Variants in TTN observed in about 807,000 individuals in gnomAD.
TTN encodes the protein titin.
TTN carries 1,525 observed loss-of-function variants against 3,223.0 expected under a neutral mutation model. The observed-to-expected ratio is 0.47, with a 90% CI of 0.45 to 0.49. TTN has a LOEUF of 0.49. Among genes scored for constraint, TTN ranks in the 20% least tolerant of loss-of-function variants. TTN has a pLI of 0.00. For missense variants in TTN, 40,786 were observed against 43,424.0 expected (o/e 0.94, Z 5.40); for synonymous variants, 14,094 against 15,161.0 (o/e 0.93, Z 5.17).
Position 178,547,521 on chromosome 2 carries a change from TA to T in TTN, c.94104del (p.Val31370SerfsTer26). 6.2e-7 allele frequency: 1 copy of T among 1,613,700 alleles called. No individual in the cohort carries two copies. The highest frequency in any genetic ancestry group is 1.1e-5 in the South Asian group (1 of 91,084). ...ATGTATTTTGTGAGATGAGTGACTT[TA>T]ATTTGAGTGCGCTTGACACTGGAAT... ...LVNSSVKRTQ[I>X]KVTHLTKYME... On this transcript the variant is annotated frameshift_variant, in exon 339 of 363. Coordinates refer to ENST00000589042, the MANE Select transcript of TTN (RefSeq NM_001267550.2). LOFTEE classifies it high-confidence loss of function.
chr2:178,573,435 T>C lies in TTN; in HGVS notation c.72697A>G (p.Thr24233Ala). The C allele has an allele frequency of 6.6e-7, 1 of 1,518,366 alleles. No individual in the cohort carries two copies. Among genetic ancestry groups the C allele is most frequent in the Non-Finnish European group, 8.8e-7 (1 of 1,136,446 alleles). 94.1% of individuals were successfully genotyped at this position (1,518,366 alleles called of 1,614,324 possible). A position where few individuals can be genotyped will look rare whatever the true frequency, so the allele number is the denominator to read the frequency against. ...ACAACCATCGAATCTTTAGTAATAGTTGTCACTTCAGGGTTTTTGGGCGGA... is the reference window on the plus strand; with the variant it reads ...ACAACCATCGAATCTTTAGTAATAGCTGTCACTTCAGGGTTTTTGGGCGGA... ...PDPPKNPEVT[T>A]ITKDSMVVCW... Residue 24233 changes from threonine (T) to alanine (A), a missense_variant, in exon 326 of 363, where the codon ACT becomes GCT. Coordinates refer to ENST00000589042, the MANE Select transcript of TTN (RefSeq NM_001267550.2).
Position 178,614,522 on chromosome 2 carries a change from A to G in TTN, c.48992T>C (p.Ile16331Thr). 2.5e-6 allele frequency: 4 copies of G among 1,612,294 alleles called. No homozygotes were observed. Among genetic ancestry groups the G allele is most frequent in the Non-Finnish European group, 3.4e-6 (4 of 1,179,118 alleles). Residue 16331 changes from isoleucine (I) to threonine (T), a missense_variant, in exon 261 of 363, where the codon ATT (isoleucine) becomes ACT (threonine). By Grantham distance (89) the Ile-to-Thr change is moderately conservative. Transcript: ENST00000589042. The part of the protein sequence containing the change: ...SKRSDTGTYI[I>T]EAVNVCGRAT... ...CCGGCCACACACATTCACAGCCTCA[A>G]TGATATATGTGCCAGTGTCACTTCT...
intron 20 of TTN, among the ~76,000 whole-genome samples, 190 bp downstream of exon 20, chr2:178,782,022 T>G (rs1002822281): frequency 6.6e-6 from 1 of 152,092 alleles, no homozygotes; most frequent in African/African-American, 2.4e-5. Flanking sequence ...CCATCCACTT[T>G]TGTCACATAG....
In TTN at chr2:178,593,335, A is replaced by G. The variant is rs1396400309; in HGVS notation, c.58873T>C (p.Trp19625Arg). ...LEKRETMSKR[W>R]ARVTKDPIHP... ...ATAGGATCTTTGGTAACTCTAGCCC[A>G]TCGTTTAGACATAGTTTCTCTCTTT... is the stretch of plus-strand genomic sequence containing the variant. Residue 19625 changes from tryptophan (W) to arginine (R), a missense_variant, in exon 299 of 363, where the codon TGG becomes CGG. Coordinates refer to ENST00000589042, the MANE Select transcript of TTN (RefSeq NM_001267550.2). 3 of 1,613,264 alleles carry G rather than the reference A, an allele frequency of 1.9e-6. No homozygotes were observed. The highest frequency in any genetic ancestry group is 2.5e-6 in the Non-Finnish European group (3 of 1,179,574).
At chr2:178,610,853 T>C (rs1043924675) in intron 270 of TTN, 140 bp downstream of exon 270, 7 of 1,072,320 alleles carry the variant, frequency 6.5e-6, no homozygotes, top group African/African-American at 3.2e-5. Flanking sequence ...ACTTCTCCTA[T>C]GGAAAGACAT....
chr2:178,717,853 G>C, intron 86 of TTN, 43 bp from the exon 87 acceptor site: 2 of 1,578,912 alleles, frequency 1.3e-6, no homozygotes, highest in South Asian at 1.2e-5. Flanking sequence ...AGGTGAGAAG[G>C]CATCCACAAC....
intron 121 of TTN, among the ~76,000 whole-genome samples, chr2:178,690,378 G>A (rs934251432): frequency 6.6e-6 from 1 of 152,054 alleles, no homozygotes; most frequent in African/African-American, 2.4e-5. Flanking sequence ...TCATTTTTGG[G>A]GGGTGTGCCT....
rs765523683 is a variant in TTN at position 178,741,666 on chromosome 2, T to C, written c.11567A>G (p.Asn3856Ser). 21 of 1,613,732 alleles carry C rather than the reference T, an allele frequency of 1.3e-5. No individual in the cohort carries two copies. Among genetic ancestry groups the C allele is most frequent in the Non-Finnish European group, 1.7e-5 (20 of 1,179,800 alleles). ...IPKPKIQWFF[N>S]GVLLTPSADY... ...AGCAGAAGGGGTTAATAGCACTCCA[T>C]TAAAGAACCACTGAATTTTAGGTTT... The change falls in exon 48 of 363, where the codon AAT (asparagine) becomes AGT (serine). Residue 3856 changes from asparagine (N) to serine (S), a missense_variant. Transcript: ENST00000589042.
rs751354601 is a variant in TTN, at chr2:178,581,565, C to T, written c.66703G>A (p.Val22235Ile). Residue 22235 changes from valine (V) to isoleucine (I), a missense_variant, in exon 316 of 363, where the codon GTT becomes ATT. Coordinates refer to ENST00000589042, the MANE Select transcript of TTN (RefSeq NM_001267550.2). ...GGGTCACTGTATCCAATCTTATTAA[C>T]GGCATACACACGGAATTGATATTGT... is the stretch of plus-strand genomic sequence containing the variant. ...DTQYQFRVYA[V>I]NKIGYSDPSD... The T allele has an allele frequency of 9.6e-5, 154 of 1,612,272 alleles. No homozygotes were observed. Among genetic ancestry groups the T allele is most frequent in the African/African-American group, 3.1e-4 (23 of 74,834 alleles).
chr2:178,548,477 T>C lies in TTN; in HGVS notation c.93149A>G (p.His31050Arg). The C allele has an allele frequency of 1.2e-6, 2 of 1,613,838 alleles. No individual in the cohort carries two copies. Among genetic ancestry groups the C allele is most frequent in the Non-Finnish European group, 1.7e-6 (2 of 1,179,796 alleles). The stretch of plus-strand genomic sequence containing the variant: ...TGCCTCTCGTTTCTCTACCACATAA[T>C]GATGGATTCGGGCACCACCGTCAAG... ...PLLDGGARIHHYVVEKREASR... is the reference protein window; with the variant it reads ...PLLDGGARIHRYVVEKREASR... The change falls in exon 339 of 363, where the codon CAT becomes CGT. Residue 31050 changes from histidine (H) to arginine (R), a missense_variant. Coordinates refer to ENST00000589042, the MANE Select transcript of TTN (RefSeq NM_001267550.2). This position sits in a 1 kb window ranked among gnomAD's most constrained non-coding sequence, Gnocchi z 4.3.
At position 178,746,399 on chromosome 2, in the gene TTN, G is replaced by A. The variant is rs151253841; in HGVS notation, c.11312-4478C>T. 2,650 of 1,609,320 alleles carry A rather than the reference G, an allele frequency of 1.6e-3. 62 individuals are homozygous for A. In the South Asian group the frequency reaches 0.027, roughly 16 times the overall value. On this transcript the variant is annotated intron_variant, in intron 47 of 362. Coordinates refer to ENST00000589042, the MANE Select transcript of TTN (RefSeq NM_001267550.2). ...ACTTTTATGGTCAGGAGTAAATTCG[G>A]GAACTGTCACTATTTTCACCTGCTT...
At chr2:178,711,730 C>T (rs2076686394) in intron 96 of TTN, among the ~76,000 whole-genome samples, 1 of 152,086 alleles carries the variant, frequency 6.6e-6, no homozygotes, top group Admixed American at 6.5e-5. Context: ...ATTATAGAAG[C>T]AAATGATTGC....
chr2:178,531,044 C>T lies in TTN; in HGVS notation c.105571G>A (p.Val35191Ile), dbSNP rs1290162863. 38 of 1,613,880 alleles carry T rather than the reference C, an allele frequency of 2.4e-5. No individual in the cohort carries two copies. Among genetic ancestry groups the T allele is most frequent in the Non-Finnish European group, 3.0e-5 (35 of 1,179,902 alleles). The change falls in exon 358 of 363, where the codon GTC (valine) becomes ATC (isoleucine). Residue 35191 changes from valine (V) to isoleucine (I), a missense_variant. Coordinates refer to ENST00000589042, the MANE Select transcript of TTN (RefSeq NM_001267550.2). ...TAATTGCCCTCATCGGAAGCCTGGA[C>T]TGAAGAGATCTCAAAGGTTGATTTG... ...KYKSTFEISS[V>I]QASDEGNYSV...
At position 178,599,005 on chromosome 2, in the gene TTN, G is replaced by A; in HGVS notation, c.56705C>T (p.Thr18902Ile). 1 of 1,607,108 alleles carries A rather than the reference G, an allele frequency of 6.2e-7. No individual in the cohort carries two copies. The highest frequency in any genetic ancestry group is 8.5e-7 in the Non-Finnish European group (1 of 1,176,252). ...ATATTCTGGCTCTTCCCAGTTGACA[G>A]TCATGGAGTTACGAGTCACGCTGCT... ...TVSSVTRNSM[T>I]VNWEEPEYDG... The change falls in exon 291 of 363, where the codon ACT becomes ATT. Residue 18902 changes from threonine (T) to isoleucine (I), a missense_variant. Thr to Ile is a moderately conservative substitution (Grantham distance 89). Coordinates refer to ENST00000589042, the MANE Select transcript of TTN (RefSeq NM_001267550.2).
Position 178,735,681 on chromosome 2 carries a change from C to T in TTN, c.14765G>A (p.Ser4922Asn), listed in dbSNP as rs184740744. The T allele has an allele frequency of 1.3e-3, 2,056 of 1,613,802 alleles. 59 individuals are homozygous for T. The Admixed American group carries it at 0.033, about 26-fold the overall frequency. Residue 4922 changes from serine (S) to asparagine (N), a missense_variant, in exon 50 of 363, where the codon AGC becomes AAC. Coordinates refer to ENST00000589042, the MANE Select transcript of TTN (RefSeq NM_001267550.2). ...DEDRKVTVTW[S>N]KDGQKLPPGK... is the part of the protein sequence containing the mutation. ...TGGGGGGAGTTTTTGCCCATCTTTG[C>T]TCCACGTAACTGTGACTTTTCTGTC...
intron 239 of TTN, among the ~76,000 whole-genome samples, 196 bp downstream of exon 239, chr2:178,630,045 A>G (rs2059604217): frequency 6.6e-6 from 1 of 152,102 alleles, no homozygotes; most frequent in East Asian, 1.9e-4. Context: ...TCAAATGGCA[A>G]GGTCAACAAA....
At position 178,601,466 on chromosome 2, in the gene TTN, T is replaced by C; in HGVS notation, c.55531A>G (p.Ile18511Val). 6.2e-7 allele frequency: 1 copy of C among 1,613,042 alleles called. No individual in the cohort carries two copies. The highest frequency in any genetic ancestry group is 1.1e-5 in the South Asian group (1 of 91,012). The change falls in exon 287 of 363, where the codon ATC becomes GTC. Residue 18511 changes from isoleucine to valine, a missense_variant. Ile to Val is a conservative substitution (Grantham distance 29). Transcript: ENST00000589042. ...KMPDDDGGDR[I>V]KGYVIEKRTI... ...CTCTTCTCAATAACATAGCCTTTGA[T>C]CCTGTCTCCTCCATCGTCGTCTGGC...
chr2:178,614,515 A>T lies in TTN; in HGVS notation c.48999T>A (p.Ala16333=). 6.2e-7 allele frequency: 1 copy of T among 1,612,034 alleles called. No homozygotes were observed. The highest frequency in any genetic ancestry group is 1.1e-5 in the South Asian group (1 of 90,908). Residue 16333 remains alanine (A), a synonymous_variant, in exon 261 of 363, where the codon GCT becomes GCA. Transcript: ENST00000589042. ...CAGTGGCCCGGCCACACACATTCACAGCCTCAATGATATATGTGCCAGTGT... is the reference window on the plus strand; with the variant it reads ...CAGTGGCCCGGCCACACACATTCACTGCCTCAATGATATATGTGCCAGTGT... ...RSDTGTYIIE[A]VNVCGRATAV... is the part of the protein sequence containing the mutation.
rs1445588727 is a variant in TTN at position 178,740,399 on chromosome 2, A to G, written c.12834T>C (p.Pro4278=). 1 of 1,613,068 alleles carries G rather than the reference A, an allele frequency of 6.2e-7. No individual in the cohort carries two copies. The highest frequency in any genetic ancestry group is 8.5e-7 in the Non-Finnish European group (1 of 1,179,510). ...AEGHVESLQS[P]DVMISQVNYE... is the part of the protein sequence containing the mutation. ...AGTTTACCTGAGAGATCATGACATC[A>G]GGACTCTGGAGACTCTCCACGTGTC... Residue 4278 remains proline (P), a synonymous_variant, in exon 48 of 363, where the codon CCT becomes CCC. Coordinates refer to ENST00000589042, the MANE Select transcript of TTN (RefSeq NM_001267550.2).
Sources: gnomAD v4.1 joint callset for allele counts (sites outside exome capture counted in the v4.1 genomes callset) on GRCh38, gnomAD v4.1.1 for gene constraint, Gnocchi (gnomAD v3.1) non-coding constraint, MANE v1.5 for transcripts, NCBI Gene and HGNC (gene_info 2026-07-23, HGNC 2026-07-21) for gene names.